DNAH14: variants seen among roughly 807,000 people sequenced by gnomAD.
DNAH14 encodes the protein axonemal beta dynein heavy chain 14.
Under a neutral mutation model 520.9 loss-of-function variants are expected in DNAH14, and 478 were observed. That is an observed-to-expected ratio of 0.92 (90% CI 0.85 to 0.99). The LOEUF is 0.99. DNAH14 is among the 50% of genes least tolerant of loss of function. The pLI, the probability that DNAH14 is intolerant of heterozygous loss-of-function variation, is 0.00. For synonymous variants in DNAH14, 1,581 were observed against 1,757.2 expected (o/e 0.90, Z 2.51); for missense variants, 4,831 against 5,234.5 (o/e 0.92, Z 2.38).
intron 35 of DNAH14, among the ~76,000 whole-genome samples, chr1:225,163,783 A>C (rs77485009): frequency 0.049 from 7,398 of 152,172 alleles, 281 homozygotes; most frequent in Non-Finnish European, 0.072. Flanking sequence ...TTTTCATGTC[A>C]ATGTCCATCT....
intron 17 of DNAH14, among the ~76,000 whole-genome samples, chr1:225,074,658 G>C (rs1391346754): frequency 6.6e-6 from 1 of 152,184 alleles, no homozygotes; most frequent in Non-Finnish European, 1.5e-5. Flanking sequence ...AAATGAGGAG[G>C]AACAGATAAG....
chr1:225,051,991 T>G (rs1433409896), intron 17 of DNAH14, among the ~76,000 whole-genome samples, 196 bp downstream of exon 17: 2 of 152,206 alleles, frequency 1.3e-5, no homozygotes, highest in African/African-American at 4.8e-5. Context: ...TTTGATAAAA[T>G]ATCACTTCCT....
intron 49 of DNAH14, among the ~76,000 whole-genome samples, chr1:225,268,615 G>A (rs2093205254): frequency 1.3e-5 from 2 of 152,182 alleles, no homozygotes; most frequent in Non-Finnish European, 2.9e-5. Flanking sequence ...AAGCTGATAA[G>A]CAACTTCAGC....
At chr1:225,180,363 A>G (rs1247661985) in intron 36 of DNAH14, among the ~76,000 whole-genome samples, 2 of 152,166 alleles carry the variant, frequency 1.3e-5, no homozygotes, top group Admixed American at 6.5e-5. Context: ...CTATAAAGAA[A>G]TATCTGAGGC....
chr1:225,182,875 C>A (rs1018729624), intron 36 of DNAH14, among the ~76,000 whole-genome samples: 2 of 152,184 alleles, frequency 1.3e-5, no homozygotes, highest in Admixed American at 6.5e-5. Flanking sequence ...CTAAAGTGGG[C>A]TCAGGTCCCA....
intron 15 of DNAH14, among the ~76,000 whole-genome samples, chr1:225,048,581 A>G (rs1022102160): frequency 2.0e-5 from 3 of 152,254 alleles, no homozygotes; most frequent in African/African-American, 7.2e-5. Context: ...GCTGTATTCA[A>G]CTGTTTGGAT....
chr1:225,272,658 T>C (rs1297753797), intron 51 of DNAH14, among the ~76,000 whole-genome samples: 1 of 152,182 alleles, frequency 6.6e-6, no homozygotes, highest in Non-Finnish European at 1.5e-5. Context: ...TGCAACACCC[T>C]GCCTCCATGT....
chr1:224,979,106 C>T (rs2062070868), intron 8 of DNAH14, among the ~76,000 whole-genome samples: 1 of 152,168 alleles, frequency 6.6e-6, no homozygotes, highest in African/African-American at 2.4e-5. Context: ...GAATCCTTCA[C>T]TGATCATACC....
At chr1:225,225,054 C>T (rs1271471414) in intron 41 of DNAH14, among the ~76,000 whole-genome samples, 1 of 152,244 alleles carries the variant, frequency 6.6e-6, no homozygotes, top group East Asian at 1.9e-4. Context: ...CTGCAAGTTA[C>T]GACATCACTG....
At chr1:225,277,147 A>G (rs1028292322) in intron 53 of DNAH14, among the ~76,000 whole-genome samples, 2 of 149,158 alleles carry the variant, frequency 1.3e-5, no homozygotes, top group African/African-American at 4.9e-5. Context: ...AAGGGAGCCT[A>G]AATACTATTG....
chr1:225,247,917 G>T (rs1419144731), intron 43 of DNAH14, among the ~76,000 whole-genome samples: 2 of 152,146 alleles, frequency 1.3e-5, no homozygotes, highest in Non-Finnish European at 1.5e-5. Context: ...TACTGGGGAG[G>T]CTGAGGCAGG....
In DNAH14 at chr1:225,324,325, C is replaced by A; in HGVS notation, c.9599C>A (p.Ala3200Asp). The A allele has an allele frequency of 6.4e-7, 1 of 1,551,890 alleles. No homozygotes were observed. Among genetic ancestry groups the A allele is most frequent in the Non-Finnish European group, 8.7e-7 (1 of 1,147,026 alleles). Residue 3200 changes from alanine to aspartate, a missense_variant, in exon 63 of 86, where the codon GCT becomes GAT. Ala to Asp is a moderately radical substitution (Grantham distance 126). Transcript: ENST00000682510. ...TGCTCCCTGTGCCAGTGGGTTATAG[C>A]TTTGAATAACTACCATGAAGTACAG... ...ACCSLCQWVI[A>D]LNNYHEVQKV...
chr1:225,327,216 G>A (rs1305792953), intron 64 of DNAH14, among the ~76,000 whole-genome samples: 1 of 151,804 alleles, frequency 6.6e-6, no homozygotes, highest in African/African-American at 2.4e-5. Flanking sequence ...GAAGTGCAGA[G>A]GCGCGATCTC....
intron 49 of DNAH14, among the ~76,000 whole-genome samples, chr1:225,270,107 T>C (rs2093267852): frequency 6.6e-6 from 1 of 151,860 alleles, no homozygotes; most frequent in Non-Finnish European, 1.5e-5. Flanking sequence ...ATTAAGAAAA[T>C]ATGGCACATA....
chr1:225,153,751 A>C lies in DNAH14; in HGVS notation c.5198A>C (p.Asp1733Ala). Residue 1733 changes from aspartate (D) to alanine (A), a missense_variant and splice_region_variant, in exon 34 of 86, where the codon GAT becomes GCT. By Grantham distance (126) the Asp-to-Ala change is moderately radical (BLOSUM62 -2). Transcript: ENST00000682510. ...ELARKQLSQQ[D>A]HYNFGLRSLK... ...TTCAAATATTTTAATGTTTGATAGG[A>C]TCATTATAATTTTGGCTTGAGATCT... 3 of 1,541,306 alleles carry C rather than the reference A, an allele frequency of 1.9e-6. No individual in the cohort carries two copies. The highest frequency in any genetic ancestry group is 8.8e-7 in the Non-Finnish European group (1 of 1,139,236).
At chr1:224,939,587 G>A (rs1313535650) in intron 1 of DNAH14, among the ~76,000 whole-genome samples, 1 of 152,160 alleles carries the variant, frequency 6.6e-6, no homozygotes, top group Non-Finnish European at 1.5e-5. Context: ...AGGAGGCTGA[G>A]GCAGGAGAAT....
At chr1:225,250,891 T>A (rs921740999) in intron 43 of DNAH14, among the ~76,000 whole-genome samples, 1 of 152,068 alleles carries the variant, frequency 6.6e-6, no homozygotes, top group African/African-American at 2.4e-5. Flanking sequence ...GAGAGCTCCA[T>A]AAGGGAGATG....
Position 225,399,054 on chromosome 1 carries a change from A to ATTTT in DNAH14, c.13642_13643insTTTT (p.Ser4548PhefsTer20). 6.6e-7 allele frequency: 1 copy of ATTTT among 1,523,950 alleles called. No individual in the cohort carries two copies. Among genetic ancestry groups the ATTTT allele is most frequent in the Non-Finnish European group, 8.8e-7 (1 of 1,137,250 alleles). 94.4% of individuals were successfully genotyped at this position (1,523,950 alleles called of 1,614,324 possible). ...TACTGGATTTTTTTTTTTTTTAAAG[A>ATTTT]TTTCTACCAAAACACCAAATGCTTC... On this transcript the variant is annotated frameshift_variant and splice_region_variant, in exon 86 of 86. Transcript: ENST00000682510. LOFTEE classifies it low-confidence loss of function (END_TRUNC).
chr1:225,203,970 A>G (rs2087202240), intron 38 of DNAH14, among the ~76,000 whole-genome samples: 1 of 152,236 alleles, frequency 6.6e-6, no homozygotes, highest in Non-Finnish European at 1.5e-5. Flanking sequence ...GGGGGAAAAA[A>G]GAAACCAAAG....
Sources: allele counts gnomAD v4.1 joint callset (sites outside exome capture counted in the v4.1 genomes callset), GRCh38; gene constraint gnomAD v4.1.1; transcripts MANE v1.5; gene names NCBI Gene and HGNC (gene_info 2026-07-23, HGNC 2026-07-21).